NOTCH3: variants seen among roughly 807,000 people sequenced by gnomAD.
The protein encoded by NOTCH3 is notch receptor 3, also known as neurogenic locus notch homolog protein 3.
NOTCH3 carries 86 observed loss-of-function variants against 213.3 expected under a neutral mutation model. The observed-to-expected ratio is 0.40, with a 90% CI of 0.34 to 0.48. NOTCH3 has a LOEUF of 0.48. Ranked by LOEUF, NOTCH3 falls within the 20% of genes least tolerant of loss-of-function variation. NOTCH3 has a pLI of 0.57. For synonymous variants in NOTCH3, 1,354 were observed against 1,355.9 expected (o/e 1.00, Z 0.03); for missense variants, 2,783 against 3,272.6 (o/e 0.85, Z 3.65).
intron 17 of NOTCH3, 27 bp from the exon 18 acceptor site, chr19:15,181,189 A>C (rs1193910632): frequency 1.3e-6 from 2 of 1,593,148 alleles, no homozygotes; most frequent in South Asian, 2.3e-5. Context: ...GGGAGGGAGG[A>C]TCAGGCTCCG....
Position 15,181,795 on chromosome 19 carries a change from C to A in NOTCH3, c.2573G>T (p.Cys858Phe). The change falls in exon 17 of 33, where the codon TGC becomes TTC. Residue 858 changes from cysteine (C) to phenylalanine (F), a missense_variant. Physicochemically the swap from Cys to Phe is radical, Grantham distance 205. Coordinates refer to ENST00000263388, the MANE Select transcript of NOTCH3 (RefSeq NM_000435.3). ...QDINDCDPNP[C>F]LNGGSCQDGV... ...GTCTTGGCACGAGCCACCGTTCAGG[C>A]ATGGGTCTGCGGACAGGAGGAAGGC... 6.4e-7 allele frequency: 1 copy of A among 1,556,282 alleles called. No homozygotes were observed. The highest frequency in any genetic ancestry group is 8.7e-7 in the Non-Finnish European group (1 of 1,149,964).
At chr19:15,162,654 G>C in intron 31 of NOTCH3, 92 bp from the exon 32 acceptor site, 1 of 901,200 alleles carries the variant, frequency 1.1e-6, no homozygotes, top group Non-Finnish European at 1.8e-6. Context: ...TGTGGCCTAG[G>C]GGTAGAGGAG....
rs770947913 is a variant in NOTCH3 at position 15,167,345 on chromosome 19, C to G, written c.5266G>C (p.Val1756Leu). ...GGTGCCACGCGGATGTCAGCAGCAA[C>G]CAGATGGTGTTGAGTCCACTGACGG... The part of the protein sequence containing the change: ...DCRQWTQHHL[V>L]AADIRVAPAM... Residue 1756 changes from valine (V) to leucine (L), a missense_variant, in exon 29 of 33, where the codon GTT becomes CTT. This residue lies in a region of NOTCH3 where 636 missense variants were observed against 801.8 expected (regional missense o/e 0.79). Coordinates refer to ENST00000263388, the MANE Select transcript of NOTCH3 (RefSeq NM_000435.3). The G allele has an allele frequency of 1.9e-6, 3 of 1,612,732 alleles. No homozygotes were observed. The highest frequency in any genetic ancestry group is 2.5e-6 in the Non-Finnish European group (3 of 1,180,012).
rs781213088 is a variant in NOTCH3 at position 15,185,550 on chromosome 19, G to C, written c.2081C>G (p.Pro694Arg). The change falls in exon 13 of 33, where the codon CCC becomes CGC. Residue 694 changes from proline (P) to arginine (R), a missense_variant. Physicochemically the swap from Pro to Arg is moderately radical, Grantham distance 103 (BLOSUM62 -2). Coordinates refer to ENST00000263388, the MANE Select transcript of NOTCH3 (RefSeq NM_000435.3). This position sits in a 1 kb window ranked among gnomAD's most constrained non-coding sequence, Gnocchi z 4.2. ...CTCATGGGCACAGGGATGGCTCGGG[G>C]GGAGGCAGAGTGGGGGCAAGGAGCC... ...PPGSLPPLCL[P>R]PSHPCAHEPC... 1 of 1,612,984 alleles carries C rather than the reference G, an allele frequency of 6.2e-7. No individual in the cohort carries two copies. The highest frequency in any genetic ancestry group is 1.3e-5 in the African/African-American group (1 of 74,686).
chr19:15,199,065 T>C (rs2046991073), intron 1 of NOTCH3, among the ~76,000 whole-genome samples: 1 of 152,140 alleles, frequency 6.6e-6, no homozygotes, highest in Non-Finnish European at 1.5e-5. Flanking sequence ...CCAGGACCTG[T>C]GGGTGTTCGT....
rs2046805736 is a variant in NOTCH3, at chr19:15,177,926, G to A, written c.4002C>T (p.Ala1334=). Residue 1334 remains alanine, a synonymous_variant, in exon 24 of 33, where the codon GCC becomes GCT. Coordinates refer to ENST00000263388, the MANE Select transcript of NOTCH3 (RefSeq NM_000435.3). ...GGGCGGCCGCGCAGCTGGCGTTGCT[G>A]GCCCCCGGCGGCGACCCCGGGAAGC... ...CRSFPGSPPG[A]SNASCAAAPC... The A allele has an allele frequency of 7.8e-7, 1 of 1,287,238 alleles. No individual in the cohort carries two copies. Among genetic ancestry groups the A allele is most frequent in the South Asian group, 2.4e-5 (1 of 41,262 alleles). 79.7% of individuals were successfully genotyped at this position (1,287,238 alleles called of 1,614,324 possible).
At chr19:15,173,110 T>TCTTC (rs1568351375) in intron 25 of NOTCH3, among the ~76,000 whole-genome samples, 5 of 22,560 alleles carry the variant, frequency 2.2e-4, no homozygotes, top group African/African-American at 2.2e-3. Flanking sequence ...TCTTCTTTTT[T>TCTTC]TTTTTTTTTT....
chr19:15,171,774 G>A (rs1286125427), intron 25 of NOTCH3, among the ~76,000 whole-genome samples: 4 of 152,210 alleles, frequency 2.6e-5, no homozygotes, highest in Non-Finnish European at 4.4e-5. Flanking sequence ...TGGTTCAAGT[G>A]ATTCTCTGCC....
intron 28 of NOTCH3, among the ~76,000 whole-genome samples, chr19:15,169,186 GTCTCTCTCTCTCTCTCTC>G (rs56916343): frequency 9.3e-4 from 137 of 146,690 alleles, no homozygotes; most frequent in East Asian, 4.5e-3. Context: ...TGTCAAATCT[GTCTCTCTCTCTCTCTCTC>G]TCTCTCTCTC....
At chr19:15,175,596 C>G (rs575514772) in intron 24 of NOTCH3, among the ~76,000 whole-genome samples, 2 of 123,942 alleles carry the variant, frequency 1.6e-5, no homozygotes, top group African/African-American at 6.1e-5. Context: ...TATATACACA[C>G]ACACACACAC....
chr19:15,191,350 C>A (rs1317858658), intron 6 of NOTCH3, 74 bp downstream of exon 6: 6 of 1,298,832 alleles, frequency 4.6e-6, no homozygotes, highest in Non-Finnish European at 5.5e-6. Context: ...ATCTTTCTAA[C>A]ACTCAAGTCA....
rs2046872644 is a variant in NOTCH3 at position 15,185,365 on chromosome 19, T to G, written c.2188A>C (p.Ser730Arg). Reference sequence around the variant, plus strand: ...CAGGCGTCTCGGGCCAGGCTCTGGCTGCAGCGGGGGCCACTCCAGCCAGGC... The same window carrying G: ...CAGGCGTCTCGGGCCAGGCTCTGGCGGCAGCGGGGGCCACTCCAGCCAGGC... ...CEPGWSGPRC[S>R]QSLARDACES... Residue 730 changes from serine (S) to arginine (R), a missense_variant, in exon 14 of 33, where the codon AGC (serine) becomes CGC (arginine). Ser to Arg is a moderately radical substitution (Grantham distance 110). Transcript: ENST00000263388. The surrounding 1 kb of genome is among the most constrained non-coding windows in gnomAD (Gnocchi z 4.2). 6.2e-7 allele frequency: 1 copy of G among 1,612,312 alleles called. No individual in the cohort carries two copies. The highest frequency in any genetic ancestry group is 8.5e-7 in the Non-Finnish European group (1 of 1,179,720).
chr19:15,186,850 C>A (rs996586150), intron 12 of NOTCH3, 28 bp downstream of exon 12: 2 of 1,568,040 alleles, frequency 1.3e-6, no homozygotes, highest in African/African-American at 1.4e-5. Context: ...GATCTAAGGA[C>A]CCCCTCTCAT....
chr19:15,177,765 G>A lies in NOTCH3; in HGVS notation c.4163C>T (p.Pro1388Leu), dbSNP rs1405393607. 3.6e-6 allele frequency: 5 copies of A among 1,372,802 alleles called. No individual in the cohort carries two copies. Among genetic ancestry groups the A allele is most frequent in the African/African-American group, 3.1e-5 (2 of 65,274 alleles). 85.0% of individuals were successfully genotyped at this position (1,372,802 alleles called of 1,614,324 possible). The change falls in exon 24 of 33, where the codon CCG (proline) becomes CTG (leucine). Residue 1388 changes from proline (P) to leucine (L), a missense_variant. Physicochemically the swap from Pro to Leu is moderately conservative, Grantham distance 98. Transcript: ENST00000263388. ...GCGCTTGGCCTGGCAGGCGGCGCGC[G>A]GGCACCGCGGCTCCTCCGAGACCTC... Reference protein sequence around the residue: ...APEVSEEPRCPRAACQAKRGD... With the variant: ...APEVSEEPRCLRAACQAKRGD...
chr19:15,182,770 G>A (rs1021145221), intron 16 of NOTCH3, among the ~76,000 whole-genome samples: 2 of 151,972 alleles, frequency 1.3e-5, no homozygotes, highest in East Asian at 3.9e-4. Context: ...AGCCTCCTGA[G>A]TAGCTGAGAT....
chr19:15,168,805 G>C (rs996531956), intron 28 of NOTCH3, among the ~76,000 whole-genome samples: 1 of 152,098 alleles, frequency 6.6e-6, no homozygotes, highest in Non-Finnish European at 1.5e-5. Flanking sequence ...CTGCACTCCA[G>C]CTTGGGCAAC....
intron 32 of NOTCH3, 75 bp downstream of exon 32, chr19:15,162,388 TCA>T (rs2046651976): frequency 1.0e-6 from 1 of 960,840 alleles, no homozygotes. Context: ...TGAGAGAGTC[TCA>T]CTCTGTTGCC....
At chr19:15,197,447 C>CCCCCCCCCCCCA in intron 2 of NOTCH3, 53 bp downstream of exon 2, 1 of 707,590 alleles carries the variant, frequency 1.4e-6, no homozygotes, top group Non-Finnish European at 2.6e-6. Context: ...AATCGCCCCT[C>CCCCCCCCCCCCA]CCCCCCGCCC....
intron 28 of NOTCH3, 114 bp from the exon 29 acceptor site, chr19:15,167,525 AG>A (rs200968196): frequency 0.012 from 11,015 of 902,440 alleles, 247 homozygotes; most frequent in Admixed American, 0.084. Context: ...ATACACACAG[AG>A]CCCTGGGAAA....
Sources: allele counts gnomAD v4.1 joint callset (sites outside exome capture counted in the v4.1 genomes callset), GRCh38; gene constraint gnomAD v4.1.1; regional missense constraint gnomAD v4.1.1; non-coding constraint Gnocchi (gnomAD v3.1); transcripts MANE v1.5; gene names NCBI Gene and HGNC (gene_info 2026-07-23, HGNC 2026-07-21).